Variants in CADM2 observed in about 807,000 individuals in gnomAD.
The protein encoded by CADM2 is cell adhesion molecule 2.
CADM2 carries 12 observed loss-of-function variants against 49.8 expected under a neutral mutation model. The observed-to-expected ratio is 0.24, with a 90% CI of 0.15 to 0.39. CADM2 has a LOEUF of 0.39. CADM2 is among the 10% of genes least tolerant of loss of function. The pLI is 1.00. For missense variants in CADM2, 378 were observed against 492.3 expected, an observed-to-expected ratio of 0.77 and a Z score of 2.20; for synonymous variants, 214 against 175.4, an observed-to-expected ratio of 1.22 and a Z score of -1.74.
At chr3:85,764,962 TTTTTTTGTTTG>T (rs1313401486) in intron 2 of CADM2, among the ~76,000 whole-genome samples, 1 of 151,950 alleles carries the variant, frequency 6.6e-6, no homozygotes, top group African/African-American at 2.4e-5. Context: ...ATTTATTCTG[TTTTTTTGTTTG>T]TTTTTTGTTT....
chr3:85,210,547 T>G (rs1283627612), intron 1 of CADM2, among the ~76,000 whole-genome samples: 5 of 152,104 alleles, frequency 3.3e-5, no homozygotes, highest in Non-Finnish European at 7.4e-5. Flanking sequence ...GATTTTTTTC[T>G]TTTTTCTTTT....
At chr3:85,527,579 A>G (rs1384890077) in intron 1 of CADM2, among the ~76,000 whole-genome samples, 1 of 133,176 alleles carries the variant, frequency 7.5e-6, no homozygotes, top group Non-Finnish European at 1.7e-5. Flanking sequence ...GACATCTCAA[A>G]AGACTCTTAG....
chr3:85,669,271 G>A (rs1278611690), intron 1 of CADM2, among the ~76,000 whole-genome samples: 1 of 152,074 alleles, frequency 6.6e-6, no homozygotes, highest in South Asian at 2.1e-4. Flanking sequence ...GCAGCAGAAA[G>A]CACATTCTTT....
Position 85,287,951 on chromosome 3 carries a change from G to C in CADM2, c.61+328283G>C, listed in dbSNP as rs567878108. On this transcript the variant is annotated intron_variant, in intron 1 of 9. Coordinates refer to ENST00000383699, the MANE Select transcript of CADM2 (RefSeq NM_001167675.2). Reference sequence around the variant, plus strand: ...ATCACACACTGGGGACTGTTGTGGGGTGGAGGGAGGGGGGAGGGATAGCAT... The same window carrying C: ...ATCACACACTGGGGACTGTTGTGGGCTGGAGGGAGGGGGGAGGGATAGCAT... Among the ~76,000 whole-genome samples the C allele has an allele frequency of 2.1e-3, 294 of 141,520 alleles. 1 individual carries two copies. The Middle Eastern group carries it at 0.022, about 11-fold the overall frequency. 92.8% of individuals were successfully genotyped at this position (141,520 alleles called of 152,430 possible).
intron 1 of CADM2, among the ~76,000 whole-genome samples, chr3:85,241,427 G>T (rs2042527111): frequency 6.6e-6 from 1 of 151,456 alleles, no homozygotes; most frequent in Non-Finnish European, 1.5e-5. Context: ...AAATTGAGTA[G>T]TCAGGATAAT....
At chr3:85,503,866 CATTA>C (rs2040212584) in intron 1 of CADM2, among the ~76,000 whole-genome samples, 1 of 152,184 alleles carries the variant, frequency 6.6e-6, no homozygotes, top group Non-Finnish European at 1.5e-5. Context: ...TTCTGCATTT[CATTA>C]ATTCTCTTAG....
At chr3:84,972,678 G>A (rs2031540917) in intron 1 of CADM2, among the ~76,000 whole-genome samples, 1 of 152,074 alleles carries the variant, frequency 6.6e-6, no homozygotes, top group African/African-American at 2.4e-5. Flanking sequence ...AAAATTTTCT[G>A]TGGTCATTTT....
intron 1 of CADM2, among the ~76,000 whole-genome samples, chr3:85,060,205 A>G (rs1340696506): frequency 2.6e-5 from 4 of 152,054 alleles, no homozygotes; most frequent in African/African-American, 9.7e-5. Flanking sequence ...ATTTTGGCTC[A>G]CTGCAACCTC....
chr3:85,468,509 A>G (rs931823992), intron 1 of CADM2, among the ~76,000 whole-genome samples: 2 of 152,196 alleles, frequency 1.3e-5, no homozygotes, highest in African/African-American at 4.8e-5. Context: ...ATCATTCTTA[A>G]GTGAGTATAT....
intron 1 of CADM2, among the ~76,000 whole-genome samples, chr3:85,095,996 A>C (rs1223577711): frequency 2.6e-5 from 4 of 152,116 alleles, no homozygotes; most frequent in African/African-American, 9.7e-5. Context: ...TTCTTGAGTC[A>C]TAAACTCTAT....
intron 1 of CADM2, among the ~76,000 whole-genome samples, chr3:85,090,896 C>G (rs2037570749): frequency 6.6e-6 from 1 of 152,186 alleles, no homozygotes; most frequent in Non-Finnish European, 1.5e-5. Context: ...CCCTTTCCAT[C>G]TGTGGAAAAA....
chr3:85,256,750 G>A (rs892951909), intron 1 of CADM2, among the ~76,000 whole-genome samples: 30 of 151,994 alleles, frequency 2.0e-4, no homozygotes, highest in African/African-American at 6.5e-4. Context: ...AGCGCACACC[G>A]TCCATTCTGT....
At chr3:85,144,241 ACACG>A (rs1222930989) in intron 1 of CADM2, among the ~76,000 whole-genome samples, 15 of 57,198 alleles carry the variant, frequency 2.6e-4, no homozygotes, top group Admixed American at 7.8e-4. Flanking sequence ...ATTTTGTTAC[ACACG>A]CACACACACA....
At chr3:85,008,996 G>T (rs905104164) in intron 1 of CADM2, among the ~76,000 whole-genome samples, 3 of 152,084 alleles carry the variant, frequency 2.0e-5, no homozygotes, top group African/African-American at 7.2e-5. Context: ...TTTGTTCTTG[G>T]GATTGCCATA....
rs964299437 is a variant in CADM2, at chr3:85,661,305, C to A, written c.62-65217C>A. ...AACAGATGATTAGCTCAAGGACTAG[C>A]TTCCTTTGTAGATCTGGGGAATGCT... On this transcript the variant is annotated intron_variant, in intron 1 of 9. Transcript: ENST00000383699. Among the ~76,000 whole-genome samples the A allele has an allele frequency of 3.9e-5, 6 of 152,078 alleles. 1 individual carries two copies. Among genetic ancestry groups the A allele is most frequent in the Admixed American group, 3.9e-4 (6 of 15,228 alleles).
chr3:85,752,802 AAC>A (rs1412862412), intron 2 of CADM2, among the ~76,000 whole-genome samples: 2 of 152,168 alleles, frequency 1.3e-5, no homozygotes, highest in Non-Finnish European at 2.9e-5. Context: ...GAGTGAAGGT[AAC>A]ACAAATAGTT....
intron 1 of CADM2, among the ~76,000 whole-genome samples, chr3:85,156,240 G>T (rs1422803461): frequency 6.6e-6 from 1 of 151,436 alleles, no homozygotes; most frequent in African/African-American, 2.4e-5. Flanking sequence ...GACTAATAAA[G>T]AAAAAAAGAG....
At chr3:84,988,039 A>G (rs1170870598) in intron 1 of CADM2, among the ~76,000 whole-genome samples, 1 of 152,160 alleles carries the variant, frequency 6.6e-6, no homozygotes, top group Non-Finnish European at 1.5e-5. Flanking sequence ...GGAGAAAACA[A>G]AACAAAACAA....
intron 1 of CADM2, among the ~76,000 whole-genome samples, chr3:84,991,415 G>T (rs1444381748): frequency 6.6e-6 from 1 of 152,120 alleles, no homozygotes; most frequent in African/African-American, 2.4e-5. Flanking sequence ...TTAGCTTTCT[G>T]GATGGCCATT....
Sources: gnomAD v4.1 joint callset for allele counts (sites outside exome capture counted in the v4.1 genomes callset) on GRCh38, gnomAD v4.1.1 for gene constraint, MANE v1.5 for transcripts, NCBI Gene and HGNC (gene_info 2026-07-23, HGNC 2026-07-21) for gene names.